The following CD244 variants were observed in gnomAD, a reference collection of about 807,000 sequenced individuals.
CD244 encodes CD244 molecule, also known as natural killer cell receptor 2B4.
A neutral mutation model predicts 45.5 loss-of-function variants in CD244; 20 were observed. The ratio of observed to expected loss-of-function variants is 0.44; its 90% CI spans 0.31 to 0.64. The LOEUF (loss-of-function observed/expected upper bound fraction) is 0.64. Ranked by LOEUF, CD244 falls within the 30% of genes least tolerant of loss-of-function variation. The pLI is 0.08. For missense variants in CD244, 407 were observed against 426.9 expected, an observed-to-expected ratio of 0.95 and a Z score of 0.41; for synonymous variants, 185 against 160.5, an observed-to-expected ratio of 1.15 and a Z score of -1.15.
At chr1:160,832,818 C>A in intron 7 of CD244, 1 of 609,878 alleles carries the variant, frequency 1.6e-6, no homozygotes, top group Non-Finnish European at 2.8e-6. Context: ...TCAGAATTTG[C>A]TGTTCCATAC....
intron 1 of CD244, among the ~76,000 whole-genome samples, chr1:160,843,975 T>C (rs1248936051): frequency 6.6e-6 from 1 of 152,162 alleles, no homozygotes; most frequent in East Asian, 1.9e-4. Flanking sequence ...AGTGTTGAGG[T>C]TGGTACCACA....
chr1:160,862,463 G>C lies in CD244; in HGVS notation c.61+154C>G, dbSNP rs139076412. ...TCCCAGTGCACTGCCAGCCTGTCCT[G>C]TCTGATTTAGACTGTCAGAGCTGTC... On this transcript the variant is annotated intron_variant, in intron 1 of 8. Transcript: ENST00000368034. 1.2e-3 allele frequency among the ~76,000 whole-genome samples: 190 copies of C among 152,338 alleles called. 1 individual carries two copies. The highest frequency in any genetic ancestry group is 3.4e-3 in the Middle Eastern group (1 of 294).
chr1:160,832,554 G>C lies in CD244; in HGVS notation c.982C>G (p.His328Asp). 3 of 1,611,852 alleles carry C rather than the reference G, an allele frequency of 1.9e-6. No homozygotes were observed. Among genetic ancestry groups the C allele is most frequent in the Non-Finnish European group, 2.5e-6 (3 of 1,178,598 alleles). Residue 328 changes from histidine (H) to aspartate (D), a missense_variant, in exon 8 of 9, where the codon CAC becomes GAC. By Grantham distance (81) the His-to-Asp change is moderately conservative. Transcript: ENST00000368034. Reference protein sequence around the residue: ...SRKSGSRKRNHSPSFNSTIYE... With the variant: ...SRKSGSRKRNDSPSFNSTIYE... ...ATAGTGCTATTGAAGGAAGGGCTGT[G>C]GTTCCTCTTCCTGGATCCAGACTAG... is the stretch of plus-strand genomic sequence containing the variant.
intron 5 of CD244, among the ~76,000 whole-genome samples, 170 bp from the exon 6 acceptor site, chr1:160,836,424 A>G (rs545068298): frequency 3.9e-5 from 6 of 152,330 alleles, no homozygotes; most frequent in African/African-American, 1.2e-4. Context: ...GACAGGAAGA[A>G]GAGCAGTTTG....
intron 1 of CD244, among the ~76,000 whole-genome samples, chr1:160,860,116 A>G (rs1670245367): frequency 6.6e-6 from 1 of 152,174 alleles, no homozygotes; most frequent in Non-Finnish European, 1.5e-5. Context: ...CTGAGGCAGG[A>G]CAATCACTTG....
At chr1:160,853,494 T>C (rs1158647363) in intron 1 of CD244, among the ~76,000 whole-genome samples, 1 of 152,198 alleles carries the variant, frequency 6.6e-6, no homozygotes, top group African/African-American at 2.4e-5. Flanking sequence ...ATTTAAATTT[T>C]GTGCACACAG....
chr1:160,845,307 G>A (rs12354107), intron 1 of CD244, among the ~76,000 whole-genome samples: 4,063 of 152,046 alleles, frequency 0.027, 155 homozygotes, highest in African/African-American at 0.086. Context: ...AAGAGAATTA[G>A]AAAACTGTTA....
At chr1:160,844,917 G>C (rs1669677962) in intron 1 of CD244, among the ~76,000 whole-genome samples, 1 of 152,098 alleles carries the variant, frequency 6.6e-6, no homozygotes, top group African/African-American at 2.4e-5. Flanking sequence ...GGAGCTTGCA[G>C]TGAGCCGAGA....
At chr1:160,834,862 G>A (rs1405537117) in intron 6 of CD244, among the ~76,000 whole-genome samples, 7 of 152,164 alleles carry the variant, frequency 4.6e-5, no homozygotes, top group Admixed American at 4.6e-4. Flanking sequence ...ACTGGAACCA[G>A]GTGTCCTCTA....
In CD244 at chr1:160,836,183, C is replaced by G. The variant is rs1470009087; in HGVS notation, c.894+12G>C. 1.9e-6 allele frequency: 3 copies of G among 1,609,692 alleles called. No homozygotes were observed. Among genetic ancestry groups the G allele is most frequent in the Admixed American group, 3.3e-5 (2 of 60,018 alleles). On this transcript the variant is annotated intron_variant, in intron 6 of 8. Coordinates refer to ENST00000368034, the MANE Select transcript of CD244 (RefSeq NM_016382.4). ...ATAGGTATGGAATGGACTAGAGAAA[C>G]TGGAGAGGTACCTGGGACTGGATCA... is the stretch of plus-strand genomic sequence containing the variant.
At chr1:160,851,756 T>C (rs1669927762) in intron 1 of CD244, among the ~76,000 whole-genome samples, 1 of 152,196 alleles carries the variant, frequency 6.6e-6, no homozygotes, top group East Asian at 1.9e-4. Context: ...TTGCCAAGGC[T>C]TGTCTTGAAC....
At position 160,834,037 on chromosome 1, in the gene CD244, G is replaced by A. The variant is rs201735445; in HGVS notation, c.960+14C>T. The stretch of plus-strand genomic sequence containing the variant: ...ATCAACAACACCCCACCACCACCAC[G>A]GGAAGAGGCTCACCTTCCTGGAAGG... On this transcript the variant is annotated intron_variant, in intron 7 of 8. Coordinates refer to ENST00000368034, the MANE Select transcript of CD244 (RefSeq NM_016382.4). 7.2e-5 allele frequency: 115 copies of A among 1,593,856 alleles called. 1 individual carries two copies. Among genetic ancestry groups the A allele is most frequent in the Admixed American group, 3.7e-4 (22 of 59,990 alleles).
chr1:160,833,103 G>A (rs1669194661), intron 7 of CD244, among the ~76,000 whole-genome samples: 1 of 151,734 alleles, frequency 6.6e-6, no homozygotes, highest in Admixed American at 6.6e-5. Flanking sequence ...GCCAACCCAA[G>A]GACACTAGAA....
At chr1:160,843,944 C>T (rs980046673) in intron 1 of CD244, among the ~76,000 whole-genome samples, 4 of 152,186 alleles carry the variant, frequency 2.6e-5, no homozygotes, top group Non-Finnish European at 5.9e-5. Flanking sequence ...TATTAGAAAG[C>T]GGGTATACAT....
At chr1:160,838,877 G>A (rs1359758939) in intron 4 of CD244, 62 bp downstream of exon 4, 20 of 1,122,220 alleles carry the variant, frequency 1.8e-5, no homozygotes, top group Non-Finnish European at 2.6e-5. Context: ...ACTGGACGCA[G>A]GACAAAGTCA....
chr1:160,834,550 A>G (rs757059687), intron 6 of CD244, among the ~76,000 whole-genome samples: 3 of 152,090 alleles, frequency 2.0e-5, no homozygotes, highest in Non-Finnish European at 4.4e-5. Context: ...ACAGGGTTTC[A>G]CCATGTGGGC....
intron 6 of CD244, among the ~76,000 whole-genome samples, chr1:160,835,016 C>T (rs1382241264): frequency 6.6e-6 from 1 of 152,202 alleles, no homozygotes; most frequent in Non-Finnish European, 1.5e-5. Flanking sequence ...AGAGAACTGG[C>T]AGATATCAAC....
chr1:160,834,091 G>T lies in CD244; in HGVS notation c.920C>A (p.Pro307His). Residue 307 changes from proline (P) to histidine (H), a missense_variant, in exon 7 of 9, where the codon CCT becomes CAT. Coordinates refer to ENST00000368034, the MANE Select transcript of CD244 (RefSeq NM_016382.4). Reference sequence around the variant, plus strand: ...AATTAATGAATATAATGTATATGCAGGTTCTTGTGACGTGGGAGCAGAAGA... The same window carrying T: ...AATTAATGAATATAATGTATATGCATGTTCTTGTGACGTGGGAGCAGAAGA... Reference protein sequence around the residue: ...SQSSAPTSQEPAYTLYSLIQP... With the variant: ...SQSSAPTSQEHAYTLYSLIQP... The T allele has an allele frequency of 6.2e-7, 1 of 1,611,654 alleles. No individual in the cohort carries two copies. The highest frequency in any genetic ancestry group is 1.1e-5 in the South Asian group (1 of 91,012).
chr1:160,854,623 A>G (rs370452836), intron 1 of CD244, among the ~76,000 whole-genome samples: 80 of 150,494 alleles, frequency 5.3e-4, no homozygotes, highest in African/African-American at 1.9e-3. Flanking sequence ...TGAACTCCTG[A>G]CCTCAAGTAA....
Sources: gnomAD v4.1 joint callset for allele counts (sites outside exome capture counted in the v4.1 genomes callset) on GRCh38, gnomAD v4.1.1 for gene constraint, MANE v1.5 for transcripts, NCBI Gene and HGNC (gene_info 2026-07-23, HGNC 2026-07-21) for gene names.